Variants in TOMM40L observed in about 807,000 individuals in gnomAD.
The protein encoded by TOMM40L is mitochondrial import receptor subunit TOM40B.
Under a neutral mutation model 38.3 loss-of-function variants are expected in TOMM40L, and 17 were observed. The ratio of observed to expected loss-of-function variants is 0.44; its 90% CI spans 0.30 to 0.67. The LOEUF is 0.67. TOMM40L is among the 30% of genes least tolerant of loss of function. The pLI, the probability that TOMM40L is intolerant of heterozygous loss-of-function variation, is 0.08. For missense variants in TOMM40L, 294 were observed against 390.0 expected, an observed-to-expected ratio of 0.75 and a Z score of 2.07; for synonymous variants, 151 against 150.2, an observed-to-expected ratio of 1.01 and a Z score of -0.04.
intron 1 of TOMM40L, 38 bp downstream of exon 1, chr1:161,226,174 G>A (rs78695715): frequency 0.01 from 2,886 of 286,484 alleles, 89 homozygotes; most frequent in African/African-American, 0.058. Context: ...TGGTCTTGGG[G>A]CCTGGGAATG....
At position 161,230,182 on chromosome 1, in the gene TOMM40L, C is replaced by CG; in HGVS notation, c.*1087_*1088insG. Reference sequence around the variant, plus strand: ...CTCTGAGAGCCGAGTGTGAAGAAAGCTCCAGACTTGGCCAGAACTCCAACC... The same window carrying CG: ...CTCTGAGAGCCGAGTGTGAAGAAAGCGTCCAGACTTGGCCAGAACTCCAACC... On this transcript the variant is annotated 3_prime_UTR_variant, in exon 10 of 10. Transcript: ENST00000367988. The CG allele has an allele frequency of 2.1e-6, 1 of 478,726 alleles. No individual in the cohort carries two copies. The allele number at this position is 478,726 out of a possible 1,614,324, so 29.7% of individuals were successfully genotyped here.
At chr1:161,226,690 G>A in intron 2 of TOMM40L, 86 bp downstream of exon 2, 2 of 1,421,928 alleles carry the variant, frequency 1.4e-6, no homozygotes, top group South Asian at 1.2e-5. Context: ...GATGGGAGCA[G>A]GAAAGGGGAG....
chr1:161,228,078 T>C, intron 6 of TOMM40L, 89 bp downstream of exon 6: 1 of 1,591,740 alleles, frequency 6.3e-7, no homozygotes, highest in Non-Finnish European at 8.6e-7. Flanking sequence ...GTTTGGAGTT[T>C]AGAAAAGGAA....
chr1:161,228,219 C>A lies in TOMM40L; in HGVS notation c.518C>A (p.Thr173Asn). Residue 173 changes from threonine to asparagine, a missense_variant, in exon 7 of 10, where the codon ACT becomes AAT. Physicochemically the swap from Thr to Asn is moderately conservative, Grantham distance 65. Coordinates refer to ENST00000367988, the MANE Select transcript of TOMM40L (RefSeq NM_032174.6). The part of the protein sequence containing the change: ...IMVAHFLQSL[T>N]HRLVLGGELV... ...GTTGCTCACTTCCTGCAGAGCCTCA[C>A]TCATCGGCTGGTGCTGGGAGGAGAG... The A allele has an allele frequency of 6.2e-7, 1 of 1,604,982 alleles. No homozygotes were observed. Among genetic ancestry groups the A allele is most frequent in the Non-Finnish European group, 8.5e-7 (1 of 1,174,746 alleles).
Position 161,230,477 on chromosome 1 carries a change from A to T in TOMM40L, c.*1382A>T. On this transcript the variant is annotated 3_prime_UTR_variant, in exon 10 of 10. Transcript: ENST00000367988. ...GGAGAGGAAAGGCCAAGGGAAGAGA[A>T]AAGTCTGCGTTAGTCTGGAGAAGTT... 1 of 495,586 alleles carries T rather than the reference A, an allele frequency of 2.0e-6. No homozygotes were observed. The highest frequency in any genetic ancestry group is 3.5e-6 in the Non-Finnish European group (1 of 282,786). 30.7% of individuals were successfully genotyped at this position (495,586 alleles called of 1,614,324 possible).
At chr1:161,228,339 T>C (rs199979621) in intron 7 of TOMM40L, 31 bp downstream of exon 7, 1 of 1,607,532 alleles carries the variant, frequency 6.2e-7, no homozygotes, top group African/African-American at 1.3e-5. Flanking sequence ...GTGGTGGTGG[T>C]GGGGGGCAAT....
In TOMM40L at chr1:161,227,930, G is replaced by A. The variant is rs926533763; in HGVS notation, c.425G>A (p.Arg142Gln). 1.2e-5 allele frequency: 19 copies of A among 1,613,990 alleles called. No individual in the cohort carries two copies. The highest frequency in any genetic ancestry group is 1.5e-5 in the Non-Finnish European group (18 of 1,180,018). Residue 142 changes from arginine to glutamine, a missense_variant, in exon 6 of 10, where the codon CGG becomes CAG. By Grantham distance (43) the Arg-to-Gln change is conservative. Coordinates refer to ENST00000367988, the MANE Select transcript of TOMM40L (RefSeq NM_032174.6). ...ACATGGCAGTTTGATGGCGAGTATCGGGGAGATGACTACACAGCCACTCTG... is the reference window on the plus strand; with the variant it reads ...ACATGGCAGTTTGATGGCGAGTATCAGGGAGATGACTACACAGCCACTCTG... ...FLTWQFDGEY[R>Q]GDDYTATLTL...
In TOMM40L at chr1:161,226,459, A is replaced by C; in HGVS notation, c.-31A>C. On this transcript the variant is annotated 5_prime_UTR_variant, in exon 2 of 10. Coordinates refer to ENST00000367988, the MANE Select transcript of TOMM40L (RefSeq NM_032174.6). ...GGCAATAGCGTCCTTTCACAGGCTA[A>C]CCTCGGCTCTTCCCAGTCCTCTGGA... The C allele has an allele frequency of 1.3e-6, 2 of 1,597,806 alleles. No individual in the cohort carries two copies. The highest frequency in any genetic ancestry group is 1.7e-6 in the Non-Finnish European group (2 of 1,168,978).
rs376412907 is a variant in TOMM40L, at chr1:161,228,695, TCCTTGCC to T, written c.685-18_685-12del. 2,714 of 1,613,694 alleles carry T rather than the reference TCCTTGCC, an allele frequency of 1.7e-3. 5 individuals are homozygous for T. The highest frequency in any genetic ancestry group is 2.1e-3 in the Non-Finnish European group (2,425 of 1,179,710). ...TTCACTGATACTGATCTCTCTCTCA[TCCTTGCC>T]CATGGTTCTCAGGTTCAGGTTGGAG... On this transcript the variant is annotated splice_polypyrimidine_tract_variant and intron_variant, in intron 8 of 9. Coordinates refer to ENST00000367988, the MANE Select transcript of TOMM40L (RefSeq NM_032174.6).
At position 161,228,465 on chromosome 1, in the gene TOMM40L, C is replaced by G. The variant is rs747415327; in HGVS notation, c.645C>G (p.Gly215=). The G allele has an allele frequency of 6.2e-7, 1 of 1,614,052 alleles. No individual in the cohort carries two copies. Among genetic ancestry groups the G allele is most frequent in the African/African-American group, 1.3e-5 (1 of 74,978 alleles). ...HWVATLNVGS[G]GAHASYYHRA... is the part of the protein sequence containing the mutation. ...TAGCTACATTGAATGTGGGATCAGG[C>G]GGGGCCCATGCAAGTTACTACCACA... The change falls in exon 8 of 10, where the codon GGC becomes GGG. Residue 215 remains glycine, a synonymous_variant. Transcript: ENST00000367988.
Position 161,228,832 on chromosome 1 carries a change from G to C in TOMM40L, c.787+15G>C. On this transcript the variant is annotated intron_variant, in intron 9 of 9. Coordinates refer to ENST00000367988, the MANE Select transcript of TOMM40L (RefSeq NM_032174.6). ...GGTATTTAGAGGTGAGGGTTATTGG[G>C]AGACATTTGGCTATCCTGAGGAATG... 1 of 1,614,160 alleles carries C rather than the reference G, an allele frequency of 6.2e-7. No homozygotes were observed. Among genetic ancestry groups the C allele is most frequent in the Non-Finnish European group, 8.5e-7 (1 of 1,179,992 alleles).
In TOMM40L at chr1:161,227,946, A is replaced by G; in HGVS notation, c.441A>G (p.Thr147=). The G allele has an allele frequency of 1.2e-6, 2 of 1,614,128 alleles. No homozygotes were observed. Among genetic ancestry groups the G allele is most frequent in the Non-Finnish European group, 8.5e-7 (1 of 1,180,022 alleles). The change falls in exon 6 of 10, where the codon ACA becomes ACG. Residue 147 remains threonine, a synonymous_variant. Transcript: ENST00000367988. The part of the protein sequence containing the change: ...FDGEYRGDDY[T]ATLTLGNPDL... Reference sequence around the variant, plus strand: ...GCGAGTATCGGGGAGATGACTACACAGCCACTCTGACCCTAGGAAATCCTG... The same window carrying G: ...GCGAGTATCGGGGAGATGACTACACGGCCACTCTGACCCTAGGAAATCCTG...
Position 161,230,377 on chromosome 1 carries a change from G to A in TOMM40L, c.*1282G>A, listed in dbSNP as rs1439475249. On this transcript the variant is annotated 3_prime_UTR_variant, in exon 10 of 10. Coordinates refer to ENST00000367988, the MANE Select transcript of TOMM40L (RefSeq NM_032174.6). ...ATCACAGACTATTGAACCTGGAACT[G>A]GCTTTGACCATGAAACTGTGAATGG... The A allele has an allele frequency of 5.9e-6, 2 of 337,434 alleles. No homozygotes were observed. Among genetic ancestry groups the A allele is most frequent in the African/African-American group, 4.3e-5 (2 of 46,460 alleles). The allele number at this position is 337,434 out of a possible 1,614,324, so 20.9% of individuals were successfully genotyped here.
intron 5 of TOMM40L, 33 bp downstream of exon 5, chr1:161,227,770 C>T: frequency 6.2e-7 from 1 of 1,607,976 alleles, no homozygotes; most frequent in Non-Finnish European, 8.5e-7. Flanking sequence ...TCCCCTGAGG[C>T]ACTTCCTCTT....
chr1:161,228,368 T>C (rs1372952025), intron 7 of TOMM40L, 60 bp downstream of exon 7: 5 of 1,612,900 alleles, frequency 3.1e-6, no homozygotes, highest in Non-Finnish European at 4.2e-6. Context: ...TTTCTGGGGT[T>C]CCTGGCCTGT....
chr1:161,230,153 A>C lies in TOMM40L; in HGVS notation c.*1058A>C. ...ACCATGCTCAGTTTTTTCTGAACCC[A>C]GAGCTCTGAGAGCCGAGTGTGAAGA... On this transcript the variant is annotated 3_prime_UTR_variant, in exon 10 of 10. Coordinates refer to ENST00000367988, the MANE Select transcript of TOMM40L (RefSeq NM_032174.6). 1 of 526,168 alleles carries C rather than the reference A, an allele frequency of 1.9e-6. No homozygotes were observed. Among genetic ancestry groups the C allele is most frequent in the Non-Finnish European group, 3.4e-6 (1 of 295,936 alleles). The allele number at this position is 526,168 out of a possible 1,614,324, so 32.6% of individuals were successfully genotyped here. A position where few individuals can be genotyped will look rare whatever the true frequency, so the allele number is the denominator to read the frequency against.
At chr1:161,226,839 A>G in intron 2 of TOMM40L, 49 bp from the exon 3 acceptor site, 1 of 1,595,250 alleles carries the variant, frequency 6.3e-7, no homozygotes, top group South Asian at 1.1e-5. Context: ...CTTTTGGGGT[A>G]GGGGTTCTTT....
chr1:161,230,192 G>T lies in TOMM40L; in HGVS notation c.*1097G>T. 2.2e-6 allele frequency: 1 copy of T among 459,678 alleles called. No homozygotes were observed. The highest frequency in any genetic ancestry group is 3.9e-6 in the Non-Finnish European group (1 of 254,604). The allele number at this position is 459,678 out of a possible 1,614,324, so 28.5% of individuals were successfully genotyped here. On this transcript the variant is annotated 3_prime_UTR_variant, in exon 10 of 10. Transcript: ENST00000367988. ...CGAGTGTGAAGAAAGCTCCAGACTT[G>T]GCCAGAACTCCAACCATGTGGAATC...
rs369311646 is a variant in TOMM40L, at chr1:161,229,806, G to T, written c.*711G>T. On this transcript the variant is annotated 3_prime_UTR_variant, in exon 10 of 10. Transcript: ENST00000367988. ...GGAAGTGAGCATGGCCTCAGCTGCA[G>T]ATCTCCTGGAGCAGCGGCATCATGG... The T allele has an allele frequency of 6.2e-6, 10 of 1,614,242 alleles. No homozygotes were observed. The highest frequency in any genetic ancestry group is 1.7e-5 in the Admixed American group (1 of 60,020).
Sources: allele counts gnomAD v4.1 joint callset, GRCh38; gene constraint gnomAD v4.1.1; transcripts MANE v1.5; gene names NCBI Gene and HGNC (gene_info 2026-07-23, HGNC 2026-07-21).